The following ARHGAP15 variants were observed in gnomAD, a reference collection of about 807,000 sequenced individuals.
The protein encoded by ARHGAP15 is rho GTPase-activating protein 15.
In ARHGAP15, 51 loss-of-function variants were observed where a neutral mutation model predicts 63.7. The ratio of observed to expected loss-of-function variants is 0.80; its 90% CI spans 0.64 to 1.01. The LOEUF (loss-of-function observed/expected upper bound fraction) is 1.01, where lower values mean the gene tolerates loss of function less well. ARHGAP15 is among the 50% of genes least tolerant of loss of function. The pLI, the probability that ARHGAP15 is intolerant of heterozygous loss-of-function variation, is 0.00. For synonymous variants in ARHGAP15, 191 were observed against 193.8 expected, an observed-to-expected ratio of 0.99 and a Z score of 0.12; for missense variants, 560 against 564.6, an observed-to-expected ratio of 0.99 and a Z score of 0.08.
intron 12 of ARHGAP15, 42 bp downstream of exon 12, chr2:143,624,309 A>C: frequency 6.4e-7 from 1 of 1,571,830 alleles, no homozygotes; most frequent in Non-Finnish European, 8.7e-7. Context: ...GAATAACCTG[A>C]CATCCTGGAA....
chr2:143,741,549 T>C (rs1685964621), intron 13 of ARHGAP15, among the ~76,000 whole-genome samples: 1 of 152,252 alleles, frequency 6.6e-6, no homozygotes, highest in Admixed American at 6.5e-5. Context: ...TATAATATTT[T>C]ATCTTTGAGC....
chr2:143,332,737 A>G (rs909512013), intron 6 of ARHGAP15, among the ~76,000 whole-genome samples: 13 of 152,186 alleles, frequency 8.5e-5, no homozygotes, highest in Non-Finnish European at 1.3e-4. Flanking sequence ...AGTGGGATGC[A>G]GATACATAAC....
chr2:143,148,629 T>C (rs1312667562), intron 1 of ARHGAP15, among the ~76,000 whole-genome samples: 1 of 152,058 alleles, frequency 6.6e-6, no homozygotes, highest in Non-Finnish European at 1.5e-5. Flanking sequence ...TACTCCAGAT[T>C]CCCTGCTATA....
intron 2 of ARHGAP15, among the ~76,000 whole-genome samples, chr2:143,159,862 G>A (rs531117296): frequency 9.9e-5 from 15 of 151,822 alleles, no homozygotes; most frequent in Admixed American, 8.5e-4. Flanking sequence ...GCTGTGGATC[G>A]TATGATCTGA....
intron 8 of ARHGAP15, among the ~76,000 whole-genome samples, chr2:143,449,962 A>G (rs1339088326): frequency 6.6e-6 from 1 of 151,922 alleles, no homozygotes; most frequent in Non-Finnish European, 1.5e-5. Context: ...TCTGAAAGAG[A>G]TGCCTTAAAA....
At chr2:143,516,215 C>T (rs983528479) in intron 9 of ARHGAP15, among the ~76,000 whole-genome samples, 3 of 152,178 alleles carry the variant, frequency 2.0e-5, no homozygotes, top group Non-Finnish European at 4.4e-5. Context: ...TGTTATATTA[C>T]CAGAGCCTTT....
intron 10 of ARHGAP15, among the ~76,000 whole-genome samples, chr2:143,537,222 G>T (rs560125618): frequency 8.6e-5 from 13 of 151,690 alleles, no homozygotes; most frequent in Middle Eastern, 3.2e-3. Flanking sequence ...TTTTGACGAG[G>T]TTGTTTGTTT....
chr2:143,179,642 C>T (rs1691149371), intron 2 of ARHGAP15, among the ~76,000 whole-genome samples: 1 of 152,184 alleles, frequency 6.6e-6, no homozygotes, highest in Non-Finnish European at 1.5e-5. Flanking sequence ...AATCCCAACA[C>T]TTTGGGAGAC....
intron 8 of ARHGAP15, among the ~76,000 whole-genome samples, chr2:143,466,027 CT>C (rs1691190246): frequency 1.3e-5 from 2 of 151,972 alleles, no homozygotes; most frequent in Admixed American, 6.6e-5. Flanking sequence ...AGACTGACTT[CT>C]TTCTTTATTT....
chr2:143,346,204 A>ACACACACTCT (rs1558909534), intron 6 of ARHGAP15, among the ~76,000 whole-genome samples: 1 of 144,626 alleles, frequency 6.9e-6, no homozygotes, highest in African/African-American at 2.7e-5. Context: ...TCTCTCTCTC[A>ACACACACTCT]CACACACACT....
chr2:143,570,192 C>T (rs1002309817), intron 11 of ARHGAP15, among the ~76,000 whole-genome samples: 2 of 152,080 alleles, frequency 1.3e-5, no homozygotes, highest in African/African-American at 2.4e-5. Flanking sequence ...TGAAGTATAA[C>T]ATTTTTTAAA....
chr2:143,399,881 G>A (rs1463616181), intron 6 of ARHGAP15, among the ~76,000 whole-genome samples: 1 of 151,932 alleles, frequency 6.6e-6, no homozygotes, highest in African/African-American at 2.4e-5. Flanking sequence ...ACTTCAAAAT[G>A]TGATGTTGAA....
At chr2:143,395,439 CAAA>C (rs1687716499) in intron 6 of ARHGAP15, among the ~76,000 whole-genome samples, 1 of 152,058 alleles carries the variant, frequency 6.6e-6, no homozygotes, top group African/African-American at 2.4e-5. Flanking sequence ...GGATACTAAG[CAAA>C]TAATTAAATA....
chr2:143,661,904 G>A (rs2105324953), intron 12 of ARHGAP15, among the ~76,000 whole-genome samples: 1 of 152,356 alleles, frequency 6.6e-6, no homozygotes, highest in Non-Finnish European at 1.5e-5. Flanking sequence ...TCCCGCACCT[G>A]GCTCGGAGGG....
rs866025655 is a variant in ARHGAP15, at chr2:143,372,001, C to T, written c.475-63600C>T. 5.7e-5 allele frequency among the ~76,000 whole-genome samples: 8 copies of T among 139,352 alleles called. No homozygotes were observed. In the South Asian group the frequency reaches 9.0e-4, roughly 16 times the overall value. 91.4% of individuals were successfully genotyped at this position (139,352 alleles called of 152,430 possible). A position where few individuals can be genotyped will look rare whatever the true frequency, so the allele number is the denominator to read the frequency against. Reference sequence around the variant, plus strand: ...GTAACCAAATACTACCTGTTCCCCACGAGCCTATGGAAATAAATAAATAAA... The same window carrying T: ...GTAACCAAATACTACCTGTTCCCCATGAGCCTATGGAAATAAATAAATAAA... On this transcript the variant is annotated intron_variant, in intron 6 of 13. Transcript: ENST00000295095.
At chr2:143,728,923 G>A (rs999401078) in intron 13 of ARHGAP15, among the ~76,000 whole-genome samples, 9 of 152,128 alleles carry the variant, frequency 5.9e-5, no homozygotes, top group African/African-American at 1.9e-4. Flanking sequence ...TTATTTATTT[G>A]TGGAATCCCA....
At chr2:143,594,045 G>T (rs1215017569) in intron 11 of ARHGAP15, among the ~76,000 whole-genome samples, 2 of 152,092 alleles carry the variant, frequency 1.3e-5, no homozygotes, top group Non-Finnish European at 2.9e-5. Context: ...GAAGTCACAA[G>T]GTAAGTGTTA....
chr2:143,666,108 C>G (rs1682162137), intron 12 of ARHGAP15, among the ~76,000 whole-genome samples: 1 of 151,630 alleles, frequency 6.6e-6, no homozygotes, highest in Admixed American at 6.6e-5. Flanking sequence ...CCCACATCCC[C>G]AAGGCAATCC....
intron 6 of ARHGAP15, among the ~76,000 whole-genome samples, chr2:143,382,852 C>A (rs565491539): frequency 5.2e-4 from 79 of 152,290 alleles, no homozygotes; most frequent in African/African-American, 1.8e-3. Context: ...CAGAGTCAGA[C>A]ACAAAACTCT....
Sources: gnomAD v4.1 joint callset for allele counts (sites outside exome capture counted in the v4.1 genomes callset) on GRCh38, gnomAD v4.1.1 for gene constraint, MANE v1.5 for transcripts, NCBI Gene and HGNC (gene_info 2026-07-23, HGNC 2026-07-21) for gene names.